Variants in FHIP2A observed in about 807,000 individuals in gnomAD.
FHIP2A encodes the protein family with sequence similarity 160 member B1.
FHIP2A carries 46 observed loss-of-function variants against 93.5 expected under a neutral mutation model. The ratio of observed to expected loss-of-function variants is 0.49; its 90% confidence interval spans 0.39 to 0.63. The LOEUF (loss-of-function observed/expected upper bound fraction) is 0.63. Among genes scored for constraint, FHIP2A ranks in the 20% least tolerant of loss-of-function variants. FHIP2A has a pLI of 0.00. For synonymous variants in FHIP2A, 332 were observed against 326.5 expected (o/e 1.02, Z -0.18); for missense variants, 769 against 909.7 (o/e 0.85, Z 1.99).
At position 114,822,077 on chromosome 10, in the gene FHIP2A, G is replaced by T; in HGVS notation, c.-2G>T. On this transcript the variant is annotated 5_prime_UTR_variant, in exon 1 of 17. It adds an upstream start codon to the 5' untranslated region. Coordinates refer to ENST00000369248, the MANE Select transcript of FHIP2A (RefSeq NM_020940.4). ...GAGAGGCTGCTGCAGTCCCGGGACA[G>T]GATGTTCTCCAAGTTCACCTCCATC... 1 of 1,338,784 alleles carries T rather than the reference G, an allele frequency of 7.5e-7. No homozygotes were observed. Among genetic ancestry groups the T allele is most frequent in the South Asian group, 1.8e-5 (1 of 54,930 alleles). The allele number at this position is 1,338,784 out of a possible 1,614,324, so 82.9% of individuals were successfully genotyped here.
chr10:114,837,649 T>G (rs917278003), intron 5 of FHIP2A, among the ~76,000 whole-genome samples: 7 of 152,224 alleles, frequency 4.6e-5, no homozygotes, highest in Non-Finnish European at 1.0e-4. Flanking sequence ...ACCACCACAA[T>G]CAAGATGTGC....
chr10:114,830,270 CTTTTTTT>C, intron 1 of FHIP2A, among the ~76,000 whole-genome samples: 1 of 105,450 alleles, frequency 9.5e-6, no homozygotes, highest in East Asian at 2.4e-4. Context: ...CTGAAACCTA[CTTTTTTT>C]TTTTTTTTTT....
chr10:114,886,377 AT>A (rs531292533), intron 16 of FHIP2A, among the ~76,000 whole-genome samples: 68 of 149,502 alleles, frequency 4.5e-4, no homozygotes, highest in Non-Finnish European at 7.7e-4. Context: ...ATTTTTTTTA[AT>A]TTTTTTTTTA....
chr10:114,876,867 G>T (rs1008752921), intron 16 of FHIP2A, among the ~76,000 whole-genome samples: 2 of 152,130 alleles, frequency 1.3e-5, no homozygotes, highest in African/African-American at 2.4e-5. Flanking sequence ...TAAACGGAAT[G>T]TTCCAAATGT....
intron 16 of FHIP2A, among the ~76,000 whole-genome samples, chr10:114,885,761 T>C (rs1446567712): frequency 1.3e-5 from 2 of 152,218 alleles, no homozygotes; most frequent in Non-Finnish European, 2.9e-5. Context: ...ATCTCTCATT[T>C]TTCTCTTCTG....
At position 114,862,689 on chromosome 10, in the gene FHIP2A, T is replaced by C; in HGVS notation, c.*1149T>C. The C allele has an allele frequency of 2.0e-6, 2 of 985,704 alleles. No homozygotes were observed. The highest frequency in any genetic ancestry group is 2.4e-6 in the Non-Finnish European group (2 of 830,108). 61.1% of individuals were successfully genotyped at this position (985,704 alleles called of 1,614,324 possible). ...CTGGGCACAGCATGCTTGTACTTGA[T>C]TGACAAAATCGTGTTTGCCAGTCCA... is the stretch of plus-strand genomic sequence containing the variant. On this transcript the variant is annotated 3_prime_UTR_variant, in exon 17 of 17. Coordinates refer to ENST00000369248, the MANE Select transcript of FHIP2A (RefSeq NM_020940.4).
chr10:114,849,640 A>G (rs752045483), intron 13 of FHIP2A, among the ~76,000 whole-genome samples: 22 of 152,230 alleles, frequency 1.4e-4, no homozygotes, highest in Non-Finnish European at 2.6e-4. Flanking sequence ...TAACTATTTT[A>G]AAGTGTACAA....
chr10:114,848,470 G>T (rs752166144), intron 12 of FHIP2A, among the ~76,000 whole-genome samples, 177 bp from the exon 13 acceptor site: 1 of 151,568 alleles, frequency 6.6e-6, no homozygotes, highest in Non-Finnish European at 1.5e-5. Context: ...TTCATTTCTC[G>T]GGTTTCCATT....
intron 13 of FHIP2A, among the ~76,000 whole-genome samples, chr10:114,851,565 C>T (rs2143012135): frequency 6.6e-6 from 1 of 152,134 alleles, no homozygotes; most frequent in Admixed American, 6.5e-5. Context: ...TATCCCAGCA[C>T]CACCCTGTCT....
Position 114,845,432 on chromosome 10 carries a change from T to C in FHIP2A, c.1079T>C (p.Phe360Ser). 1 of 1,613,686 alleles carries C rather than the reference T, an allele frequency of 6.2e-7. No individual in the cohort carries two copies. Among genetic ancestry groups the C allele is most frequent in the Non-Finnish European group, 8.5e-7 (1 of 1,179,716 alleles). The change falls in exon 8 of 17, where the codon TTT becomes TCT. Residue 360 changes from phenylalanine (F) to serine (S), a missense_variant. By Grantham distance (155) the Phe-to-Ser change is radical. Coordinates refer to ENST00000369248, the MANE Select transcript of FHIP2A (RefSeq NM_020940.4). ...AFPGKRALISFLSWFDYCDQL... is the reference protein window; with the variant it reads ...AFPGKRALISSLSWFDYCDQL... Reference sequence around the variant, plus strand: ...CCAGGAAAACGAGCCTTAATTTCATTTCTTTCCTGGTTTGATTATTGTGAT... The same window carrying C: ...CCAGGAAAACGAGCCTTAATTTCATCTCTTTCCTGGTTTGATTATTGTGAT...
At chr10:114,829,720 T>C (rs1162105113) in intron 1 of FHIP2A, among the ~76,000 whole-genome samples, 2 of 152,204 alleles carry the variant, frequency 1.3e-5, no homozygotes, top group Non-Finnish European at 2.9e-5. Context: ...CTGTTCAAGA[T>C]GGAGTTGCTG....
At chr10:114,845,830 A>C (rs2083697345) in intron 8 of FHIP2A, among the ~76,000 whole-genome samples, 183 bp from the exon 9 acceptor site, 1 of 152,170 alleles carries the variant, frequency 6.6e-6, no homozygotes, top group African/African-American at 2.4e-5. Flanking sequence ...AATTTAGAAA[A>C]AAGTGTAAAT....
chr10:114,842,020 C>G (rs1387090989), intron 5 of FHIP2A, among the ~76,000 whole-genome samples: 1 of 152,118 alleles, frequency 6.6e-6, no homozygotes, highest in Non-Finnish European at 1.5e-5. Flanking sequence ...ATCCTAAAGA[C>G]ACTGGTAAAA....
At chr10:114,875,353 GA>G (rs1040959568) in intron 16 of FHIP2A, among the ~76,000 whole-genome samples, 2 of 152,182 alleles carry the variant, frequency 1.3e-5, no homozygotes, top group African/African-American at 4.8e-5. Context: ...CCTTTTCTAA[GA>G]AAGGGGAAGT....
chr10:114,828,380 T>C (rs189314457), intron 1 of FHIP2A, among the ~76,000 whole-genome samples: 30 of 152,234 alleles, frequency 2.0e-4, no homozygotes, highest in Admixed American at 1.2e-3. Context: ...CCTGAAATAA[T>C]CTGGAAAAAG....
intron 16 of FHIP2A, among the ~76,000 whole-genome samples, chr10:114,875,128 C>T (rs2083878108): frequency 6.6e-6 from 1 of 152,164 alleles, no homozygotes; most frequent in East Asian, 1.9e-4. Context: ...CGCTCTGCAG[C>T]CCTGGATGGG....
At position 114,880,628 on chromosome 10, in the gene FHIP2A, C is replaced by T. The variant is rs182393140; in HGVS notation, c.2193-18862C>T. ...CTGGCAGATGGAGGTTGCAGTGAGC[C>T]GAGATCACGCCACTGCACTCCAGCC... On this transcript the variant is annotated intron_variant, in intron 16 of 16. Coordinates refer to the FHIP2A transcript ENST00000369250. Among the ~76,000 whole-genome samples, 545 of 151,424 alleles carry T rather than the reference C, an allele frequency of 3.6e-3. 2 individuals are homozygous for T. Among genetic ancestry groups the T allele is most frequent in the African/African-American group, 0.013 (534 of 41,210 alleles).
At chr10:114,829,938 G>A (rs1005227129) in intron 1 of FHIP2A, among the ~76,000 whole-genome samples, 1 of 152,154 alleles carries the variant, frequency 6.6e-6, no homozygotes, top group Non-Finnish European at 1.5e-5. Context: ...CTAAAATGTT[G>A]AGCATTTTTG....
rs1220832294 is a variant in FHIP2A, at chr10:114,862,805, T to C, written c.*1265T>C. 4.1e-6 allele frequency: 4 copies of C among 985,472 alleles called. No individual in the cohort carries two copies. The African/African-American group carries it at 7.0e-5, about 17-fold the overall frequency. 61.0% of individuals were successfully genotyped at this position (985,472 alleles called of 1,614,324 possible). On this transcript the variant is annotated 3_prime_UTR_variant, in exon 17 of 17. Coordinates refer to ENST00000369248, the MANE Select transcript of FHIP2A (RefSeq NM_020940.4). ...TATTTGACATGTTAAGCCGCAGCAC[T>C]TTCTTCTTCATCTTTCCATTTACTG...
Sources: allele counts gnomAD v4.1 joint callset (sites outside exome capture counted in the v4.1 genomes callset), GRCh38; gene constraint gnomAD v4.1.1; transcripts MANE v1.5; gene names NCBI Gene and HGNC (gene_info 2026-07-23, HGNC 2026-07-21).